Variants in CCDC60 observed in about 807,000 individuals in gnomAD.
CCDC60 encodes coiled-coil domain containing 60, also known as coiled-coil domain-containing protein 60.
CCDC60 carries 54 observed loss-of-function variants against 63.5 expected under a neutral mutation model. The ratio of observed to expected loss-of-function variants is 0.85; its 90% confidence interval spans 0.68 to 1.07. The LOEUF (loss-of-function observed/expected upper bound fraction) is 1.07. Among genes scored for constraint, CCDC60 ranks in the 50% least tolerant of loss-of-function variants. The pLI is 0.00. For missense variants in CCDC60, 651 were observed against 684.3 expected, an observed-to-expected ratio of 0.95 and a Z score of 0.54; for synonymous variants, 206 against 238.8, an observed-to-expected ratio of 0.86 and a Z score of 1.27.
intron 2 of CCDC60, among the ~76,000 whole-genome samples, chr12:119,429,311 C>A (rs1331102740): frequency 6.6e-6 from 1 of 152,148 alleles, no homozygotes; most frequent in East Asian, 1.9e-4. Flanking sequence ...TATTCCTTTC[C>A]TCCCTGATGA....
At chr12:119,336,634 T>C (rs960695769) in intron 1 of CCDC60, among the ~76,000 whole-genome samples, 1 of 152,180 alleles carries the variant, frequency 6.6e-6, no homozygotes, top group Non-Finnish European at 1.5e-5. Context: ...TTTAGACAGG[T>C]GAATTGCTTA....
At chr12:119,513,896 GTAC>G (rs922363828) in intron 7 of CCDC60, among the ~76,000 whole-genome samples, 8 of 152,086 alleles carry the variant, frequency 5.3e-5, no homozygotes, top group Non-Finnish European at 7.4e-5. Context: ...GTTTATATAA[GTAC>G]TACACTTTAT....
At chr12:119,510,433 C>T (rs1952183525) in intron 7 of CCDC60, among the ~76,000 whole-genome samples, 1 of 152,156 alleles carries the variant, frequency 6.6e-6, no homozygotes, top group African/African-American at 2.4e-5. Context: ...TTCAAATGTT[C>T]CCTCCTCTGT....
chr12:119,387,034 T>TCTCTCTCACA (rs543330015), intron 1 of CCDC60, among the ~76,000 whole-genome samples: 4 of 105,402 alleles, frequency 3.8e-5, no homozygotes, highest in African/African-American at 1.6e-4. Context: ...TCTGTCTCTC[T>TCTCTCTCACA]CACACACACA....
chr12:119,445,068 A>G (rs1057454349), intron 2 of CCDC60, among the ~76,000 whole-genome samples: 26 of 152,178 alleles, frequency 1.7e-4, no homozygotes, highest in Admixed American at 5.9e-4. Context: ...ACTGGAATAG[A>G]AAGATCCCTT....
At chr12:119,365,095 G>T (rs572586173) in intron 1 of CCDC60, among the ~76,000 whole-genome samples, 1 of 152,324 alleles carries the variant, frequency 6.6e-6, no homozygotes, top group African/African-American at 2.4e-5. Flanking sequence ...AGTATACTAA[G>T]CTCCATTTTA....
At chr12:119,345,849 ACT>A (rs1955586648) in intron 1 of CCDC60, among the ~76,000 whole-genome samples, 1 of 150,894 alleles carries the variant, frequency 6.6e-6, no homozygotes, top group Non-Finnish European at 1.5e-5. Flanking sequence ...AGACAGTCTC[ACT>A]CTGTCACCCT....
intron 2 of CCDC60, chr12:119,433,604 C>T: frequency 1.4e-6 from 1 of 702,256 alleles, no homozygotes; most frequent in Non-Finnish European, 2.6e-6. Context: ...ACCCCATATC[C>T]CAGTATTAAA....
chr12:119,392,755 T>C (rs1318194776), intron 1 of CCDC60, among the ~76,000 whole-genome samples: 3 of 152,300 alleles, frequency 2.0e-5, no homozygotes, highest in South Asian at 2.1e-4. Flanking sequence ...GAACCACATG[T>C]TTGTACAAAA....
At chr12:119,359,680 G>GACTTCC (rs1955753952) in intron 1 of CCDC60, among the ~76,000 whole-genome samples, 1 of 151,832 alleles carries the variant, frequency 6.6e-6, no homozygotes, top group Admixed American at 6.6e-5. Flanking sequence ...GGACCCTGCG[G>GACTTCC]CCTTCCGCAG....
intron 4 of CCDC60, among the ~76,000 whole-genome samples, chr12:119,487,539 C>T (rs898260906): frequency 2.7e-4 from 41 of 151,932 alleles, no homozygotes; most frequent in African/African-American, 7.3e-4. Context: ...CCTAGTAATC[C>T]GCCTGCCTCA....
intron 1 of CCDC60, among the ~76,000 whole-genome samples, chr12:119,395,068 G>T: frequency 6.6e-6 from 1 of 152,260 alleles, no homozygotes; most frequent in Non-Finnish European, 1.5e-5. Context: ...GCCTACAGAA[G>T]GTATAATGTG....
At chr12:119,533,943 C>A (rs992246798) in intron 13 of CCDC60, among the ~76,000 whole-genome samples, 2 of 152,004 alleles carry the variant, frequency 1.3e-5, no homozygotes, top group Non-Finnish European at 2.9e-5. Flanking sequence ...TAGTTTTTTC[C>A]AATTTTGTGA....
intron 2 of CCDC60, among the ~76,000 whole-genome samples, chr12:119,470,819 T>C (rs1379468336): frequency 2.6e-5 from 4 of 152,268 alleles, no homozygotes; most frequent in Middle Eastern, 3.4e-3. Flanking sequence ...TGTGCTATTA[T>C]TGACATCATG....
At chr12:119,405,350 C>G (rs145494868) in intron 1 of CCDC60, among the ~76,000 whole-genome samples, 1 of 152,304 alleles carries the variant, frequency 6.6e-6, no homozygotes, top group Non-Finnish European at 1.5e-5. Context: ...CTTGAATTTC[C>G]TGAGGTTGCT....
chr12:119,372,013 T>G (rs1399881824), intron 1 of CCDC60, among the ~76,000 whole-genome samples: 1 of 151,878 alleles, frequency 6.6e-6, no homozygotes, highest in Non-Finnish European at 1.5e-5. Context: ...ATCCCAGCAC[T>G]TTGGGAGGCC....
At chr12:119,503,971 C>G (rs1177849646) in intron 6 of CCDC60, among the ~76,000 whole-genome samples, 3 of 152,144 alleles carry the variant, frequency 2.0e-5, no homozygotes, top group Non-Finnish European at 4.4e-5. Flanking sequence ...AAAATTATTT[C>G]TATTAAGTGA....
chr12:119,402,918 A>G (rs1294159625), intron 1 of CCDC60, among the ~76,000 whole-genome samples: 1 of 152,242 alleles, frequency 6.6e-6, no homozygotes, highest in Non-Finnish European at 1.5e-5. Context: ...AGAAAACCCC[A>G]ATTCAATGTG....
chr12:119,524,721 C>CTTTTCTTTTTTTTTTTTTT (rs761586584), intron 11 of CCDC60, among the ~76,000 whole-genome samples: 1 of 99,050 alleles, frequency 1.0e-5, no homozygotes, highest in Non-Finnish European at 1.9e-5. Flanking sequence ...CTTTTCTTTT[C>CTTTTCTTTTTTTTTTTTTT]TTTTTTTTTT....
Sources: gnomAD v4.1 joint callset for allele counts (sites outside exome capture counted in the v4.1 genomes callset) on GRCh38, gnomAD v4.1.1 for gene constraint, MANE v1.5 for transcripts, NCBI Gene and HGNC (gene_info 2026-07-23, HGNC 2026-07-21) for gene names.